GALNTL6: variants seen among roughly 807,000 people sequenced by gnomAD.
The protein encoded by GALNTL6 is polypeptide N-acetylgalactosaminyltransferase like 6.
A neutral mutation model predicts 73.7 loss-of-function variants in GALNTL6; 46 were observed. That is an observed-to-expected ratio of 0.62 (90% CI 0.49 to 0.80). The LOEUF is 0.80. GALNTL6 is among the 30% of genes least tolerant of loss of function. GALNTL6 has a pLI of 0.00. For synonymous variants in GALNTL6, 259 were observed against 263.7 expected (o/e 0.98, Z 0.17); for missense variants, 604 against 755.0 (o/e 0.80, Z 2.34).
At chr4:172,599,392 G>T (rs1737973132) in intron 5 of GALNTL6, among the ~76,000 whole-genome samples, 2 of 150,510 alleles carry the variant, frequency 1.3e-5, no homozygotes, top group African/African-American at 2.4e-5. Flanking sequence ...CAAAAATAAA[G>T]AAAAAAACGA....
chr4:172,752,418 G>T (rs1047429058), intron 5 of GALNTL6, among the ~76,000 whole-genome samples: 1 of 151,992 alleles, frequency 6.6e-6, no homozygotes, highest in East Asian at 1.9e-4. Context: ...ATCCAATTTT[G>T]CACTTCAAAT....
intron 5 of GALNTL6, among the ~76,000 whole-genome samples, chr4:172,522,678 CA>C (rs11342052): frequency 0.59 from 59,365 of 100,638 alleles, 16,497 homozygotes; most frequent in South Asian, 0.72. Flanking sequence ...CCCCCCCCCC[CA>C]AAAAAAAAGT....
chr4:172,931,380 T>G, intron 9 of GALNTL6, 112 bp downstream of exon 9: 1 of 708,534 alleles, frequency 1.4e-6, no homozygotes. Context: ...TACAGAGAGC[T>G]CCTGTGCTTC....
intron 10 of GALNTL6, among the ~76,000 whole-genome samples, chr4:172,976,923 T>C (rs990495381): frequency 2.6e-5 from 4 of 152,230 alleles, no homozygotes; most frequent in African/African-American, 9.6e-5. Flanking sequence ...TGAAAACTAA[T>C]ACAAGTGTCA....
intron 2 of GALNTL6, among the ~76,000 whole-genome samples, chr4:172,143,243 TTA>T (rs1733846303): frequency 1.3e-5 from 2 of 152,000 alleles, no homozygotes; most frequent in Non-Finnish European, 2.9e-5. Context: ...TAATTTCAAC[TTA>T]AGTTTATCTC....
intron 5 of GALNTL6, among the ~76,000 whole-genome samples, chr4:172,560,486 C>CA (rs199706695): frequency 5.4e-4 from 79 of 145,362 alleles, no homozygotes; most frequent in African/African-American, 1.3e-3. Flanking sequence ...GAGACTGTCT[C>CA]AAAAAAAAAA....
At position 172,598,620 on chromosome 4, in the gene GALNTL6, C is replaced by T. The variant is rs538839762; in HGVS notation, c.554-210741C>T. Among the ~76,000 whole-genome samples, 5 of 151,438 alleles carry T rather than the reference C, an allele frequency of 3.3e-5. No homozygotes were observed. In the East Asian group the frequency reaches 7.8e-4, roughly 24 times the overall value. ...TGCTCTACAAACATTTCTAAATTTA[C>T]GTCTACAGTTCCATGATGGATTTTA... On this transcript the variant is annotated intron_variant, in intron 5 of 12. Coordinates refer to ENST00000506823, the MANE Select transcript of GALNTL6 (RefSeq NM_001034845.3).
At chr4:172,225,693 T>C (rs531723233) in intron 2 of GALNTL6, among the ~76,000 whole-genome samples, 64 of 152,040 alleles carry the variant, frequency 4.2e-4, no homozygotes, top group Non-Finnish European at 8.2e-4. Flanking sequence ...GAGGCAGAGG[T>C]TGCAGTGAGC....
intron 2 of GALNTL6, among the ~76,000 whole-genome samples, chr4:171,895,929 A>C (rs1356278085): frequency 6.6e-6 from 1 of 152,040 alleles, no homozygotes; most frequent in African/African-American, 2.4e-5. Flanking sequence ...CAGAAAACAA[A>C]ATGACTAAAT....
intron 5 of GALNTL6, among the ~76,000 whole-genome samples, chr4:172,591,976 T>C (rs552014045): frequency 3.3e-5 from 5 of 152,176 alleles, no homozygotes; most frequent in Middle Eastern, 3.4e-3. Context: ...CCACTAAGAG[T>C]ACTGATTCTC....
At chr4:172,840,235 T>C (rs1336375368) in intron 7 of GALNTL6, among the ~76,000 whole-genome samples, 3 of 152,366 alleles carry the variant, frequency 2.0e-5, no homozygotes, top group Non-Finnish European at 2.9e-5. Context: ...GGAACTGTTA[T>C]AATGTTAAGG....
intron 2 of GALNTL6, among the ~76,000 whole-genome samples, chr4:171,981,626 A>G (rs1365355272): frequency 6.6e-6 from 1 of 152,190 alleles, no homozygotes; most frequent in African/African-American, 2.4e-5. Context: ...AGATCTTTAT[A>G]TGTTAAATGA....
chr4:171,896,471 A>C lies in GALNTL6; in HGVS notation c.138+81753A>C, dbSNP rs1214281663. On this transcript the variant is annotated intron_variant, in intron 2 of 12. Coordinates refer to ENST00000506823, the MANE Select transcript of GALNTL6 (RefSeq NM_001034845.3). ...GTCATAGTCTGTCCATCCTACTGTA[A>C]CTAGATGGCTTATAAATGACAACAA... Among the ~76,000 whole-genome samples, 7 of 152,324 alleles carry C rather than the reference A, an allele frequency of 4.6e-5. No individual in the cohort carries two copies. The East Asian group carries it at 1.4e-3, about 29-fold the overall frequency.
rs562495839 is a variant in GALNTL6, at chr4:172,720,123, T to C, written c.554-89238T>C. On this transcript the variant is annotated intron_variant, in intron 5 of 12. Coordinates refer to ENST00000506823, the MANE Select transcript of GALNTL6 (RefSeq NM_001034845.3). ...TCGTATCTCATCTTGTGACTTATAA[T>C]GCCTTAACCATCTGGAAATGCAGCT... Among the ~76,000 whole-genome samples the C allele has an allele frequency of 2.3e-4, 35 of 152,250 alleles. 1 individual carries two copies. In the South Asian group the frequency reaches 5.8e-3, roughly 25 times the overall value.
intron 2 of GALNTL6, among the ~76,000 whole-genome samples, chr4:171,919,809 G>A (rs1737731184): frequency 6.6e-6 from 1 of 152,016 alleles, no homozygotes; most frequent in South Asian, 2.1e-4. Flanking sequence ...TTTCCCTCTG[G>A]GACTGTAAAC....
At chr4:172,902,605 C>T (rs1746683905) in intron 8 of GALNTL6, among the ~76,000 whole-genome samples, 1 of 152,134 alleles carries the variant, frequency 6.6e-6, no homozygotes, top group Admixed American at 6.6e-5. Flanking sequence ...TCCAAGGTTC[C>T]AGTTGAGACA....
At chr4:172,528,854 C>T (rs188735087) in intron 5 of GALNTL6, among the ~76,000 whole-genome samples, 68 of 148,010 alleles carry the variant, frequency 4.6e-4, no homozygotes, top group African/African-American at 1.4e-3. Context: ...CTTTTGCATA[C>T]ATTATATTTT....
intron 5 of GALNTL6, among the ~76,000 whole-genome samples, chr4:172,379,447 G>A (rs1398441243): frequency 4.9e-5 from 7 of 143,830 alleles, no homozygotes; most frequent in Non-Finnish European, 7.5e-5. Flanking sequence ...GGAGAATGGC[G>A]TGAACCCGGG....
At chr4:172,690,446 T>C (rs1185772945) in intron 5 of GALNTL6, among the ~76,000 whole-genome samples, 3 of 152,192 alleles carry the variant, frequency 2.0e-5, no homozygotes, top group African/African-American at 4.8e-5. Context: ...GCCATTTCTG[T>C]ATCATGTCAA....
Sources: gnomAD v4.1 joint callset for allele counts (sites outside exome capture counted in the v4.1 genomes callset) on GRCh38, gnomAD v4.1.1 for gene constraint, MANE v1.5 for transcripts, NCBI Gene and HGNC (gene_info 2026-07-23, HGNC 2026-07-21) for gene names.